C8B: variants seen among roughly 807,000 people sequenced by gnomAD.
C8B encodes the protein complement component C8 beta chain.
Under a neutral mutation model 64.6 loss-of-function variants are expected in C8B, and 67 were observed. That is an observed-to-expected ratio of 1.04 (90% CI 0.85 to 1.27). The LOEUF is 1.27. Among genes scored for constraint, C8B ranks in the 50% most tolerant of loss-of-function variants. The probability of loss-of-function intolerance (pLI) is 0.00; values close to 1 mark genes in which losing one functional copy is unlikely to be tolerated. For synonymous variants in C8B, 284 were observed against 257.7 expected (o/e 1.10, Z -0.98); for missense variants, 790 against 725.2 (o/e 1.09, Z -1.03).
intron 3 of C8B, 52 bp from the exon 4 acceptor site, chr1:56,954,879 A>G (rs1238567411): frequency 1.9e-6 from 3 of 1,611,496 alleles, no homozygotes; most frequent in Non-Finnish European, 2.5e-6. Context: ...CAAGAAAGGA[A>G]CTAACATAGT....
chr1:56,954,619 T>C, intron 4 of C8B, 67 bp downstream of exon 4: 1 of 1,593,926 alleles, frequency 6.3e-7, no homozygotes, highest in Non-Finnish European at 8.6e-7. Flanking sequence ...TCTCTCATTC[T>C]CTATCCGCCA....
chr1:56,958,586 A>C (rs1645134544), intron 2 of C8B, among the ~76,000 whole-genome samples: 1 of 151,490 alleles, frequency 6.6e-6, no homozygotes, highest in Admixed American at 6.6e-5. Flanking sequence ...ACCCAATCTG[A>C]CTTGAGAGGC....
intron 6 of C8B, among the ~76,000 whole-genome samples, chr1:56,946,616 G>A (rs1225646635): frequency 6.6e-6 from 1 of 152,184 alleles, no homozygotes; most frequent in Non-Finnish European, 1.5e-5. Flanking sequence ...CACTCCAATG[G>A]CAGTGTTGAA....
chr1:56,944,790 T>C (rs754473662), intron 7 of C8B, among the ~76,000 whole-genome samples: 2 of 152,180 alleles, frequency 1.3e-5, no homozygotes, highest in Non-Finnish European at 2.9e-5. Context: ...CTGTAAAAAT[T>C]TACATGGTGT....
chr1:56,944,089 CAA>C (rs1210407362), intron 7 of C8B, among the ~76,000 whole-genome samples: 2 of 152,112 alleles, frequency 1.3e-5, no homozygotes, highest in African/African-American at 4.8e-5. Context: ...GGGAAGTGCT[CAA>C]AGTCATTTTC....
intron 6 of C8B, among the ~76,000 whole-genome samples, chr1:56,947,329 C>T (rs1644956438): frequency 6.6e-6 from 1 of 152,154 alleles, no homozygotes; most frequent in Non-Finnish European, 1.5e-5. Context: ...GTTTTCTTCT[C>T]CACACTTTAC....
At chr1:56,965,579 G>A (rs1312554579) in intron 1 of C8B, among the ~76,000 whole-genome samples, 1 of 152,056 alleles carries the variant, frequency 6.6e-6, no homozygotes, top group East Asian at 1.9e-4. Context: ...TCACACGGAG[G>A]CTTTGTTCAG....
rs769416892 is a variant in C8B at position 56,940,974 on chromosome 1, C to T, written c.1273G>A (p.Val425Ile). 1 of 1,614,004 alleles carries T rather than the reference C, an allele frequency of 6.2e-7. No individual in the cohort carries two copies. The highest frequency in any genetic ancestry group is 8.5e-7 in the Non-Finnish European group (1 of 1,180,024). Reference sequence around the variant, plus strand: ...TCACTTGCCCCTCCTCGTACCAGGACCACCAAGTCCTCCACCATGGTGTCC... The same window carrying T: ...TCACTTGCCCCTCCTCGTACCAGGATCACCAAGTCCTCCACCATGGTGTCC... ...KRDTMVEDLV[V>I]LVRGGASEHI... Residue 425 changes from valine (V) to isoleucine (I), a missense_variant, in exon 9 of 12, where the codon GTC becomes ATC. Physicochemically the swap from Val to Ile is conservative, Grantham distance 29. Coordinates refer to ENST00000371237, the MANE Select transcript of C8B (RefSeq NM_000066.4).
Position 56,933,357 on chromosome 1 carries a change from T to A in C8B, c.1530A>T (p.Gly510=), listed in dbSNP as rs1361027769. The A allele has an allele frequency of 6.2e-7, 1 of 1,613,928 alleles. No homozygotes were observed. The highest frequency in any genetic ancestry group is 8.5e-7 in the Non-Finnish European group (1 of 1,179,822). ...TACCTTTCAGGACAGGGACTCCATTTCCTTGGCAGGGAGCACAGTGGCAGG... is the reference window on the plus strand; with the variant it reads ...TACCTTTCAGGACAGGGACTCCATTACCTTGGCAGGGAGCACAGTGGCAGG... ...VSSCHCAPCQ[G]NGVPVLKGSR... The change falls in exon 10 of 12, where the codon GGA becomes GGT. Residue 510 remains glycine (G), a synonymous_variant. Coordinates refer to ENST00000371237, the MANE Select transcript of C8B (RefSeq NM_000066.4).
chr1:56,947,601 T>A (rs1644959845), intron 6 of C8B, among the ~76,000 whole-genome samples: 1 of 152,204 alleles, frequency 6.6e-6, no homozygotes, highest in Non-Finnish European at 1.5e-5. Context: ...GCATTTCCTT[T>A]ATAGCATATG....
intron 6 of C8B, among the ~76,000 whole-genome samples, chr1:56,946,487 G>A (rs935885285): frequency 2.4e-4 from 36 of 152,204 alleles, no homozygotes; most frequent in Middle Eastern, 3.2e-3. Flanking sequence ...CTATGACAGC[G>A]TATGGCAGGA....
At chr1:56,929,765 C>T (rs912127836) in intron 11 of C8B, among the ~76,000 whole-genome samples, 2 of 152,158 alleles carry the variant, frequency 1.3e-5, no homozygotes, top group African/African-American at 4.8e-5. Flanking sequence ...CCAGAACACT[C>T]TTCCCTCCTC....
chr1:56,943,851 T>A, intron 7 of C8B, 27 bp from the exon 8 acceptor site: 1 of 1,613,170 alleles, frequency 6.2e-7, no homozygotes, highest in Non-Finnish European at 8.5e-7. Context: ...AAAAGGTCCA[T>A]GACGTAAAAG....
chr1:56,947,633 A>T (rs944134789), intron 6 of C8B, among the ~76,000 whole-genome samples: 4 of 152,106 alleles, frequency 2.6e-5, no homozygotes, highest in African/African-American at 9.7e-5. Context: ...TACAACTGAT[A>T]TAATTAAGAA....
At chr1:56,961,575 G>A (rs1439218439) in intron 1 of C8B, among the ~76,000 whole-genome samples, 3 of 152,156 alleles carry the variant, frequency 2.0e-5, no homozygotes, top group Non-Finnish European at 4.4e-5. Flanking sequence ...AACAGGGCCA[G>A]CACTGACTCC....
In C8B at chr1:56,949,538, A is replaced by T. The variant is rs1553181418; in HGVS notation, c.864+17T>A. ...TAAGACAACATATACGTTTAAAAGC[A>T]ACAAAGACATACTTACAGTATGAGA... is the stretch of plus-strand genomic sequence containing the variant. On this transcript the variant is annotated intron_variant, in intron 6 of 11. Coordinates refer to ENST00000371237, the MANE Select transcript of C8B (RefSeq NM_000066.4). 1 of 1,607,434 alleles carries T rather than the reference A, an allele frequency of 6.2e-7. No individual in the cohort carries two copies. Among genetic ancestry groups the T allele is most frequent in the South Asian group, 1.1e-5 (1 of 90,914 alleles).
At chr1:56,962,351 G>A (rs1343762820) in intron 1 of C8B, among the ~76,000 whole-genome samples, 1 of 152,170 alleles carries the variant, frequency 6.6e-6, no homozygotes, top group Non-Finnish European at 1.5e-5. Context: ...TGGTTTATTA[G>A]TACTATAAAA....
intron 6 of C8B, 107 bp downstream of exon 6, chr1:56,949,447 AG>A: frequency 9.2e-7 from 1 of 1,083,292 alleles, no homozygotes; most frequent in South Asian, 1.3e-5. Context: ...CTGTGAGCCA[AG>A]TAAATGTCTT....
intron 8 of C8B, among the ~76,000 whole-genome samples, chr1:56,942,349 C>T (rs1374104470): frequency 6.6e-6 from 1 of 152,200 alleles, no homozygotes; most frequent in African/African-American, 2.4e-5. Context: ...AGAAAGCCCT[C>T]AATCATATCA....
Sources: allele counts gnomAD v4.1 joint callset (sites outside exome capture counted in the v4.1 genomes callset), GRCh38; gene constraint gnomAD v4.1.1; transcripts MANE v1.5; gene names NCBI Gene and HGNC (gene_info 2026-07-23, HGNC 2026-07-21).